Variants in CDK5RAP2 observed in about 807,000 individuals in gnomAD.
CDK5RAP2 encodes the protein CDK5 regulatory subunit associated protein 2.
Under a neutral mutation model 232.9 loss-of-function variants are expected in CDK5RAP2, and 147 were observed. The observed-to-expected ratio is 0.63, with a 90% CI of 0.55 to 0.72. CDK5RAP2 has a LOEUF of 0.72. Among genes scored for constraint, CDK5RAP2 ranks in the 30% least tolerant of loss-of-function variants. The pLI is 0.00. For missense variants in CDK5RAP2, 2,195 were observed against 2,231.5 expected (o/e 0.98, Z 0.33); for synonymous variants, 833 against 833.7 (o/e 1.00, Z 0.01).
intron 23 of CDK5RAP2, chr9:120,440,534 CTA>C: frequency 6.1e-6 from 1 of 163,738 alleles, no homozygotes. Flanking sequence ...CACTGCCAAA[CTA>C]TGCAAAAGTC....
chr9:120,396,114 A>G (rs1002133342), intron 35 of CDK5RAP2, among the ~76,000 whole-genome samples: 2 of 152,268 alleles, frequency 1.3e-5, no homozygotes, highest in Non-Finnish European at 2.9e-5. Flanking sequence ...TTTAAGTTAA[A>G]CTAAAATGTT....
chr9:120,564,205 C>T lies in CDK5RAP2; in HGVS notation c.195+4116G>A, dbSNP rs996651280. ...ACACTCGGCGAGGCGTGGTGGCTCA[C>T]GCCTGTAGTTCCAGCACTTTGGGAG... On this transcript the variant is annotated intron_variant, in intron 3 of 37. Transcript: ENST00000349780. Among the ~76,000 whole-genome samples, 3 of 152,290 alleles carry T rather than the reference C, an allele frequency of 2.0e-5. No homozygotes were observed. In the East Asian group the frequency reaches 5.8e-4, roughly 29 times the overall value.
intron 11 of CDK5RAP2, among the ~76,000 whole-genome samples, chr9:120,521,436 T>C (rs1435196531): frequency 6.6e-6 from 1 of 152,142 alleles, no homozygotes; most frequent in East Asian, 1.9e-4. Flanking sequence ...GGGAGGTAAC[T>C]GAATCATGGG....
At chr9:120,559,514 C>G (rs974769437) in intron 3 of CDK5RAP2, among the ~76,000 whole-genome samples, 1 of 93,226 alleles carries the variant, frequency 1.1e-5, no homozygotes, top group Non-Finnish European at 2.2e-5. Flanking sequence ...AAAAAGAAAA[C>G]AAAGAATTTA....
chr9:120,412,509 CA>C (rs2033913963), intron 28 of CDK5RAP2, among the ~76,000 whole-genome samples: 1 of 152,228 alleles, frequency 6.6e-6, no homozygotes, highest in Non-Finnish European at 1.5e-5. Flanking sequence ...GAAAAAGCCC[CA>C]CCTTCTTCTT....
intron 36 of CDK5RAP2, among the ~76,000 whole-genome samples, chr9:120,391,924 C>T (rs529955748): frequency 1.8e-4 from 28 of 152,334 alleles, no homozygotes; most frequent in Middle Eastern, 3.4e-3. Context: ...GTTGCAGGCC[C>T]GGGTCAGCCA....
chr9:120,404,721 A>C (rs1413308222), intron 32 of CDK5RAP2, among the ~76,000 whole-genome samples: 1 of 152,198 alleles, frequency 6.6e-6, no homozygotes, highest in Non-Finnish European at 1.5e-5. Flanking sequence ...TGTATTTTGT[A>C]CTGAAAGAGT....
In CDK5RAP2 at chr9:120,453,505, A is replaced by G. The variant is rs761162507; in HGVS notation, c.2744T>C (p.Val915Ala). 1.2e-6 allele frequency: 2 copies of G among 1,613,780 alleles called. No homozygotes were observed. Among genetic ancestry groups the G allele is most frequent in the East Asian group, 4.5e-5 (2 of 44,884 alleles). ...AEHRPENLHG[V>A]PGWQAALLSL... ...AAGGAGGGCAGCCTGCCACCCAGGCACCCCGTGCAGGTTCTCTGGCCGATG... is the reference window on the plus strand; with the variant it reads ...AAGGAGGGCAGCCTGCCACCCAGGCGCCCCGTGCAGGTTCTCTGGCCGATG... The change falls in exon 21 of 38, where the codon GTG becomes GCG. Residue 915 changes from valine (V) to alanine (A), a missense_variant. Physicochemically the swap from Val to Ala is moderately conservative, Grantham distance 64 (BLOSUM62 0). Coordinates refer to ENST00000349780, the MANE Select transcript of CDK5RAP2 (RefSeq NM_018249.6).
intron 9 of CDK5RAP2, 97 bp from the exon 10 acceptor site, chr9:120,528,022 T>A: frequency 1.4e-6 from 2 of 1,462,026 alleles, no homozygotes; most frequent in Non-Finnish European, 1.9e-6. Context: ...GCAGTTATTC[T>A]ATCTTATTCC....
chr9:120,474,118 A>G (rs556418448), intron 15 of CDK5RAP2, among the ~76,000 whole-genome samples: 56 of 152,134 alleles, frequency 3.7e-4, no homozygotes, highest in African/African-American at 1.1e-3. Context: ...GCAAAATGGG[A>G]ATAATAATAC....
intron 3 of CDK5RAP2, 42 bp from the exon 4 acceptor site, chr9:120,550,944 A>C: frequency 8.6e-7 from 1 of 1,164,296 alleles, no homozygotes; most frequent in East Asian, 2.3e-5. Flanking sequence ...CAAACAAAAG[A>C]CAGAGGGTCC....
intron 3 of CDK5RAP2, among the ~76,000 whole-genome samples, chr9:120,556,260 A>C (rs1341454202): frequency 6.6e-6 from 1 of 152,184 alleles, no homozygotes; most frequent in African/African-American, 2.4e-5. Context: ...ATTTTATGTA[A>C]ATTATATCTC....
intron 36 of CDK5RAP2, among the ~76,000 whole-genome samples, chr9:120,391,580 G>A (rs778473490): frequency 6.6e-6 from 1 of 152,174 alleles, no homozygotes; most frequent in Non-Finnish European, 1.5e-5. Flanking sequence ...TACTGTCCTC[G>A]CTTTGCAAAT....
intron 4 of CDK5RAP2, among the ~76,000 whole-genome samples, chr9:120,546,794 C>A (rs2041859014): frequency 6.6e-6 from 1 of 151,930 alleles, no homozygotes; most frequent in Admixed American, 6.6e-5. Context: ...CTGCCACACC[C>A]GTCTTTTCGT....
rs369910528 is a variant in CDK5RAP2 at position 120,411,323 on chromosome 9, C to T, written c.4414+35G>A. 477 of 1,255,794 alleles carry T rather than the reference C, an allele frequency of 3.8e-4. 2 individuals carry two copies. In the South Asian group the frequency reaches 4.8e-3, roughly 13 times the overall value. The allele number at this position is 1,255,794 out of a possible 1,614,324, so 77.8% of individuals were successfully genotyped here. A position where few individuals can be genotyped will look rare whatever the true frequency, so the allele number is the denominator to read the frequency against. On this transcript the variant is annotated intron_variant, in intron 29 of 37. Transcript: ENST00000349780. The stretch of plus-strand genomic sequence containing the variant: ...CTTTCCATGACACAGAAGGCTTTGG[C>T]GTTCCAGACTTCCAGTGACTCCTTT...
At position 120,572,185 on chromosome 9, in the gene CDK5RAP2, G is replaced by A. The variant is rs2042880419; in HGVS notation, c.60-144C>T. The A allele has an allele frequency of 4.2e-6, 3 of 712,374 alleles. No individual in the cohort carries two copies. In the Admixed American group the frequency reaches 6.0e-5, roughly 14 times the overall value. The allele number at this position is 712,374 out of a possible 1,614,324, so 44.1% of individuals were successfully genotyped here. A position where few individuals can be genotyped will look rare whatever the true frequency, so the allele number is the denominator to read the frequency against. ...CTACCTATGTGGCATGAAGCACAGA[G>A]GTTAAGAACTCAGGCTTTGGGGCTG... is the stretch of plus-strand genomic sequence containing the variant. On this transcript the variant is annotated intron_variant, in intron 1 of 37. Transcript: ENST00000349780.
chr9:120,531,950 T>C (rs1044667027), intron 7 of CDK5RAP2, among the ~76,000 whole-genome samples: 3 of 152,166 alleles, frequency 2.0e-5, no homozygotes, highest in Admixed American at 6.5e-5. Flanking sequence ...CCGAACTATA[T>C]ACACTTAAAA....
intron 3 of CDK5RAP2, among the ~76,000 whole-genome samples, chr9:120,564,438 C>T (rs888258062): frequency 5.4e-5 from 8 of 147,232 alleles, no homozygotes; most frequent in Non-Finnish European, 1.0e-4. Flanking sequence ...TGCAGTGAGC[C>T]GAGATCGTGC....
rs1424272416 is a variant in CDK5RAP2 at position 120,518,571 on chromosome 9, G to C, written c.1167C>G (p.Thr389=). The change falls in exon 12 of 38, where the codon ACC becomes ACG. Residue 389 remains threonine, a synonymous_variant. Coordinates refer to ENST00000349780, the MANE Select transcript of CDK5RAP2 (RefSeq NM_018249.6). ...GCAGTCTGTGGTTCTCTGTACTCTT[G>C]GTGAGGTTTTGTGAGCGCAGCGCAG... The part of the protein sequence containing the change: ...LSAALRSQNL[T]KSTENHRLRR... 3 of 1,613,698 alleles carry C rather than the reference G, an allele frequency of 1.9e-6. No individual in the cohort carries two copies. Among genetic ancestry groups the C allele is most frequent in the South Asian group, 2.2e-5 (2 of 90,978 alleles).
Sources: gnomAD v4.1 joint callset for allele counts (sites outside exome capture counted in the v4.1 genomes callset) on GRCh38, gnomAD v4.1.1 for gene constraint, MANE v1.5 for transcripts, NCBI Gene and HGNC (gene_info 2026-07-23, HGNC 2026-07-21) for gene names.